MECOM: variants seen among roughly 807,000 people sequenced by gnomAD.
MECOM encodes histone-lysine N-methyltransferase MECOM.
A neutral mutation model predicts 116.3 loss-of-function variants in MECOM; 13 were observed. The ratio of observed to expected loss-of-function variants is 0.11; its 90% CI spans 0.07 to 0.18. The LOEUF (loss-of-function observed/expected upper bound fraction) is 0.18, where lower values mean the gene tolerates loss of function less well. Among genes scored for constraint, MECOM ranks in the 10% least tolerant of loss-of-function variants. The pLI, the probability that MECOM is intolerant of heterozygous loss-of-function variation, is 1.00. For missense variants in MECOM, 1,299 were observed against 1,509.0 expected (o/e 0.86, Z 2.31); for synonymous variants, 528 against 535.2 (o/e 0.99, Z 0.19).
chr3:169,439,882 G>T (rs1013180543), intron 1 of MECOM, among the ~76,000 whole-genome samples: 1 of 152,088 alleles, frequency 6.6e-6, no homozygotes, highest in African/African-American at 2.4e-5. Context: ...GAATAACATG[G>T]GTGAATCTTG....
At chr3:169,233,116 G>T (rs576678947) in intron 2 of MECOM, among the ~76,000 whole-genome samples, 2 of 152,104 alleles carry the variant, frequency 1.3e-5, no homozygotes, top group South Asian at 4.1e-4. Context: ...CCAAAAGAAA[G>T]ATAGTGACGT....
intron 1 of MECOM, among the ~76,000 whole-genome samples, chr3:169,429,502 C>T (rs1023631686): frequency 1.8e-4 from 27 of 152,128 alleles, no homozygotes; most frequent in African/African-American, 6.3e-4. Flanking sequence ...TGACCCATAG[C>T]ACATGTTCAA....
intron 2 of MECOM, among the ~76,000 whole-genome samples, chr3:169,223,111 T>A (rs928606047): frequency 3.9e-5 from 5 of 128,598 alleles, no homozygotes; most frequent in African/African-American, 1.5e-4. Context: ...ACTGGCAAAT[T>A]TCATTTTCAA....
chr3:169,247,196 A>G (rs1486070090), intron 2 of MECOM, among the ~76,000 whole-genome samples: 1 of 152,340 alleles, frequency 6.6e-6, no homozygotes, highest in African/African-American at 2.4e-5. Flanking sequence ...TATAATAATT[A>G]CTATCATTCA....
intron 1 of MECOM, among the ~76,000 whole-genome samples, chr3:169,575,287 C>G (rs1764359887): frequency 6.6e-6 from 1 of 152,106 alleles, no homozygotes; most frequent in Non-Finnish European, 1.5e-5. Flanking sequence ...AAAGGAGCAA[C>G]TAAAAGCAGT....
chr3:169,649,573 T>C (rs1379474049), intron 1 of MECOM, among the ~76,000 whole-genome samples: 1 of 152,166 alleles, frequency 6.6e-6, no homozygotes, highest in Non-Finnish European at 1.5e-5. Context: ...ATGTCGGTGT[T>C]CAATATTTTC....
In MECOM at chr3:169,115,377, G is replaced by A. The variant is rs370667993; in HGVS notation, c.2489+6C>T. The A allele has an allele frequency of 1.1e-5, 17 of 1,612,070 alleles. No homozygotes were observed. In the African/African-American group the frequency reaches 1.6e-4, roughly 15 times the overall value. On this transcript the variant is annotated splice_donor_region_variant and intron_variant, in intron 8 of 16. Transcript: ENST00000651503. ...TCATATTTCGTCATCTTCCATACACGCTTACCTGTAAATAGGGTCCATAAA... is the reference window on the plus strand; with the variant it reads ...TCATATTTCGTCATCTTCCATACACACTTACCTGTAAATAGGGTCCATAAA...
chr3:169,235,869 TAA>T (rs796203861), intron 2 of MECOM, among the ~76,000 whole-genome samples: 17 of 138,328 alleles, frequency 1.2e-4, no homozygotes, highest in Non-Finnish European at 1.7e-4. Context: ...CCATTTTGCT[TAA>T]AAAAAAAAAA....
intron 1 of MECOM, among the ~76,000 whole-genome samples, chr3:169,619,596 C>T (rs559722283): frequency 6.6e-6 from 1 of 152,214 alleles, no homozygotes; most frequent in East Asian, 1.9e-4. Flanking sequence ...TCCAAAGTCC[C>T]TTCTCACTTG....
intron 1 of MECOM, among the ~76,000 whole-genome samples, chr3:169,519,388 A>G (rs948860184): frequency 6.6e-6 from 1 of 152,258 alleles, no homozygotes. Context: ...ATGAACTTTG[A>G]CATGGAACTA....
intron 2 of MECOM, among the ~76,000 whole-genome samples, chr3:169,226,290 G>C (rs1012607220): frequency 1.3e-5 from 2 of 152,140 alleles, no homozygotes; most frequent in African/African-American, 4.8e-5. Flanking sequence ...AATAAAAAAA[G>C]AATAAGAGTA....
intron 2 of MECOM, chr3:169,145,698 C>T (rs774714380): frequency 9.0e-6 from 2 of 222,858 alleles, no homozygotes; most frequent in African/African-American, 2.2e-5. Context: ...AAGCATCCAT[C>T]CCCTTAGCTT....
chr3:169,435,803 T>C (rs1388854850), intron 1 of MECOM, among the ~76,000 whole-genome samples: 3 of 152,214 alleles, frequency 2.0e-5, no homozygotes, highest in Non-Finnish European at 4.4e-5. Context: ...GCATTCAGTC[T>C]AATAACCACA....
Position 169,490,236 on chromosome 3 carries a change from T to C in MECOM, c.38-108712A>G, listed in dbSNP as rs151255867. Among the ~76,000 whole-genome samples the C allele has an allele frequency of 4.0e-3, 602 of 152,236 alleles. 7 individuals carry two copies. The highest frequency in any genetic ancestry group is 0.014 in the African/African-American group (587 of 41,552). ...AAGAGAGATCTAGCAAAAATAGAAA[T>C]TGAATCACTCTTATTAGGAGTGTAA... is the stretch of plus-strand genomic sequence containing the variant. On this transcript the variant is annotated intron_variant, in intron 1 of 16. Coordinates refer to ENST00000651503, the MANE Select transcript of MECOM (RefSeq NM_004991.4).
chr3:169,440,685 C>T (rs947999354), intron 1 of MECOM, among the ~76,000 whole-genome samples: 4 of 152,126 alleles, frequency 2.6e-5, no homozygotes, highest in African/African-American at 9.7e-5. Flanking sequence ...GTTATCATTG[C>T]TTATCTTTTT....
chr3:169,215,257 T>TTA (rs58611423), intron 2 of MECOM, among the ~76,000 whole-genome samples: 2,261 of 147,786 alleles, frequency 0.015, 34 homozygotes, highest in Middle Eastern at 0.025. Context: ...TTTTTTTTTT[T>TTA]AAAAAAGCAG....
chr3:169,116,228 G>C lies in MECOM; in HGVS notation c.1644C>G (p.His548Gln). Reference sequence around the variant, plus strand: ...CTGGCTTATTGTCCCCTACAGATGGGTGTTTAGATAGTGCCTTCAAAATAT... The same window carrying C: ...CTGGCTTATTGTCCCCTACAGATGGCTGTTTAGATAGTGCCTTCAAAATAT... The part of the protein sequence containing the change: ...TQDILKALSK[H>Q]PSVGDNKPVE... Residue 548 changes from histidine to glutamine, a missense_variant, in exon 8 of 17, where the codon CAC becomes CAG. His to Gln is a conservative substitution (Grantham distance 24, BLOSUM62 0). Coordinates refer to ENST00000651503, the MANE Select transcript of MECOM (RefSeq NM_004991.4). 6.2e-7 allele frequency: 1 copy of C among 1,614,150 alleles called. No homozygotes were observed. The highest frequency in any genetic ancestry group is 8.5e-7 in the Non-Finnish European group (1 of 1,180,034).
At chr3:169,228,610 A>T (rs1345625192) in intron 2 of MECOM, among the ~76,000 whole-genome samples, 1 of 152,234 alleles carries the variant, frequency 6.6e-6, no homozygotes, top group Non-Finnish European at 1.5e-5. Flanking sequence ...TGATTATAAC[A>T]TCACATTAAT....
rs1220304178 is a variant in MECOM at position 169,102,072 on chromosome 3, C to G, written c.2759G>C (p.Arg920Pro). The change falls in exon 11 of 17, where the codon CGC (arginine) becomes CCC (proline). Residue 920 changes from arginine to proline, a missense_variant. Arg to Pro is a moderately radical substitution (Grantham distance 103, BLOSUM62 -2). Coordinates refer to ENST00000651503, the MANE Select transcript of MECOM (RefSeq NM_004991.4). The part of the protein sequence containing the change: ...PENLLRKGKE[R>P]YTCRYCGKIF... ...ACTGTGCAGTTACCTGCAGGTATAG[C>G]GCTCCTTTCCCTTCCGCAGAAGGTT... 6.2e-7 allele frequency: 1 copy of G among 1,612,356 alleles called. No individual in the cohort carries two copies. The highest frequency in any genetic ancestry group is 8.5e-7 in the Non-Finnish European group (1 of 1,179,530).
Sources: gnomAD v4.1 joint callset for allele counts (sites outside exome capture counted in the v4.1 genomes callset) on GRCh38, gnomAD v4.1.1 for gene constraint, MANE v1.5 for transcripts, NCBI Gene and HGNC (gene_info 2026-07-23, HGNC 2026-07-21) for gene names.